The following SH3GL2 variants were observed in gnomAD, a reference collection of about 807,000 sequenced individuals.
SH3GL2 encodes SH3 domain containing GRB2 like 2, endophilin A1.
Under a neutral mutation model 46.0 loss-of-function variants are expected in SH3GL2, and 24 were observed. The ratio of observed to expected loss-of-function variants is 0.52; its 90% CI spans 0.38 to 0.73. The LOEUF (loss-of-function observed/expected upper bound fraction) is 0.73, where lower values mean the gene tolerates loss of function less well. Among genes scored for constraint, SH3GL2 ranks in the 30% least tolerant of loss-of-function variants. The probability of loss-of-function intolerance (pLI) is 0.00; values close to 1 mark genes in which losing one functional copy is unlikely to be tolerated. For missense variants in SH3GL2, 413 were observed against 424.2 expected (o/e 0.97, Z 0.23); for synonymous variants, 196 against 147.1 (o/e 1.33, Z -2.40).
At chr9:17,611,845 C>T (rs2134582334) in intron 1 of SH3GL2, among the ~76,000 whole-genome samples, 1 of 152,274 alleles carries the variant, frequency 6.6e-6, no homozygotes, top group South Asian at 2.1e-4. Flanking sequence ...CTGCCCAACT[C>T]CTCTTGTCTT....
chr9:17,774,873 A>G (rs1182283985), intron 3 of SH3GL2, among the ~76,000 whole-genome samples: 1 of 151,924 alleles, frequency 6.6e-6, no homozygotes, highest in Non-Finnish European at 1.5e-5. Context: ...TAGTTCTTCA[A>G]ATATTTGGTA....
intron 3 of SH3GL2, among the ~76,000 whole-genome samples, chr9:17,763,102 G>A (rs189798871): frequency 6.6e-6 from 1 of 152,282 alleles, no homozygotes; most frequent in African/African-American, 2.4e-5. Flanking sequence ...ATGAGGCATT[G>A]TCTCATCTTT....
chr9:17,618,433 C>A (rs1326529291), intron 1 of SH3GL2, among the ~76,000 whole-genome samples: 1 of 152,138 alleles, frequency 6.6e-6, no homozygotes, highest in Non-Finnish European at 1.5e-5. Context: ...GACTGAGGTG[C>A]CACCATGGTG....
chr9:17,712,498 T>C (rs1480915441), intron 1 of SH3GL2, among the ~76,000 whole-genome samples: 1 of 151,864 alleles, frequency 6.6e-6, no homozygotes, highest in Non-Finnish European at 1.5e-5. Context: ...ACTGAAGGTG[T>C]GGATTGAATG....
At chr9:17,580,646 A>G (rs1270663514) in intron 1 of SH3GL2, among the ~76,000 whole-genome samples, 1 of 152,212 alleles carries the variant, frequency 6.6e-6, no homozygotes, top group African/African-American at 2.4e-5. Flanking sequence ...AGACATGTTT[A>G]TGAAAGTAAG....
intron 1 of SH3GL2, among the ~76,000 whole-genome samples, chr9:17,676,105 T>C (rs1420506203): frequency 6.6e-6 from 1 of 152,010 alleles, no homozygotes; most frequent in East Asian, 1.9e-4. Context: ...GGGAGAGAAA[T>C]ACATTCTGGT....
intron 1 of SH3GL2, among the ~76,000 whole-genome samples, chr9:17,691,111 T>C (rs1821066151): frequency 1.3e-5 from 2 of 152,172 alleles, no homozygotes; most frequent in South Asian, 4.1e-4. Context: ...TAATGATGAA[T>C]TGGTCTCGGC....
At chr9:17,699,002 AAAAC>A (rs1554641185) in intron 1 of SH3GL2, among the ~76,000 whole-genome samples, 6 of 152,102 alleles carry the variant, frequency 3.9e-5, no homozygotes, top group Non-Finnish European at 1.5e-5. Flanking sequence ...TAAAATACAA[AAAAC>A]TAGCCAGGCA....
At chr9:17,714,667 T>G (rs1042598724) in intron 1 of SH3GL2, among the ~76,000 whole-genome samples, 1 of 151,862 alleles carries the variant, frequency 6.6e-6, no homozygotes, top group Non-Finnish European at 1.5e-5. Flanking sequence ...TCTCTTGGCC[T>G]TTATGTTACT....
chr9:17,685,495 T>A (rs1316898033), intron 1 of SH3GL2, among the ~76,000 whole-genome samples: 1 of 152,130 alleles, frequency 6.6e-6, no homozygotes, highest in African/African-American at 2.4e-5. Context: ...CCTAGCCAGG[T>A]TGACATATAA....
intron 1 of SH3GL2, among the ~76,000 whole-genome samples, chr9:17,677,093 T>G (rs1187000720): frequency 1.3e-5 from 2 of 152,132 alleles, no homozygotes; most frequent in African/African-American, 4.8e-5. Flanking sequence ...TCCTGTGGAC[T>G]TAGAGGTTGA....
rs1435472405 is a variant in SH3GL2, at chr9:17,787,492, C to G, written c.444C>G (p.Asp148Glu). Residue 148 changes from aspartate to glutamate, a missense_variant, in exon 5 of 9, where the codon GAC (aspartate) becomes GAG (glutamate). By Grantham distance (45) the Asp-to-Glu change is conservative. This residue lies in a region of SH3GL2 where 160 missense variants were observed against 192.3 expected (regional missense o/e 0.83). Transcript: ENST00000380607. Reference protein sequence around the residue: ...NFIDPLQNLHDKDLREIQHHL... With the variant: ...NFIDPLQNLHEKDLREIQHHL... ...TTGACCCTCTTCAGAATCTTCATGA[C>G]AAAGATCTTAGGGAAATTCAAGTAT... is the stretch of plus-strand genomic sequence containing the variant. The G allele has an allele frequency of 6.8e-6, 11 of 1,612,830 alleles. No individual in the cohort carries two copies. Among genetic ancestry groups the G allele is most frequent in the Non-Finnish European group, 8.5e-6 (10 of 1,179,112 alleles).
rs73414688 is a variant in SH3GL2, at chr9:17,761,222, T to G, written c.115-215T>G. 5.2e-3 allele frequency among the ~76,000 whole-genome samples: 796 copies of G among 152,270 alleles called. 8 individuals carry two copies. The highest frequency in any genetic ancestry group is 0.018 in the African/African-American group (747 of 41,542). ...AACAAATTTTAGGAAACTACAAGCT[T>G]CTTCTTTGGATAAACGGGCTTTCCA... On this transcript the variant is annotated intron_variant, in intron 2 of 8. Transcript: ENST00000380607.
intron 1 of SH3GL2, among the ~76,000 whole-genome samples, chr9:17,726,103 A>G (rs1448310289): frequency 6.6e-6 from 1 of 152,062 alleles, no homozygotes; most frequent in African/African-American, 2.4e-5. Flanking sequence ...ATTTCCAGAA[A>G]CTTTAAATGT....
At chr9:17,768,174 A>G (rs1211664062) in intron 3 of SH3GL2, among the ~76,000 whole-genome samples, 2 of 152,032 alleles carry the variant, frequency 1.3e-5, no homozygotes, top group Non-Finnish European at 2.9e-5. Context: ...GATAGAGACC[A>G]TCCTGGCTAA....
intron 1 of SH3GL2, among the ~76,000 whole-genome samples, chr9:17,682,890 C>G (rs972729609): frequency 1.3e-5 from 2 of 152,012 alleles, no homozygotes; most frequent in Admixed American, 6.6e-5. Flanking sequence ...ATTATTGAAA[C>G]CAAAACTGAC....
intron 1 of SH3GL2, among the ~76,000 whole-genome samples, chr9:17,613,674 C>T (rs1306886257): frequency 6.6e-6 from 1 of 152,148 alleles, no homozygotes; most frequent in African/African-American, 2.4e-5. Flanking sequence ...TGGTTTGGCT[C>T]TTGGGCTCTC....
intron 1 of SH3GL2, among the ~76,000 whole-genome samples, chr9:17,631,383 G>T: frequency 6.6e-6 from 1 of 152,164 alleles, no homozygotes; most frequent in Middle Eastern, 3.2e-3. Context: ...CAGGCATAGG[G>T]CATATTTGGT....
intron 2 of SH3GL2, among the ~76,000 whole-genome samples, chr9:17,756,169 A>T (rs1324005949): frequency 2.0e-5 from 3 of 152,148 alleles, no homozygotes; most frequent in Admixed American, 2.0e-4. Flanking sequence ...CTGAAATGTG[A>T]ATTTGAAATT....
Sources: gnomAD v4.1 joint callset for allele counts (sites outside exome capture counted in the v4.1 genomes callset) on GRCh38, gnomAD v4.1.1 for gene constraint, gnomAD v4.1.1 regional missense constraint, MANE v1.5 for transcripts, NCBI Gene and HGNC (gene_info 2026-07-23, HGNC 2026-07-21) for gene names.